NFIB: variants seen among roughly 807,000 people sequenced by gnomAD.
The protein encoded by NFIB is nuclear factor 1 B-type.
In NFIB, 11 loss-of-function variants were observed where a neutral mutation model predicts 61.5. The ratio of observed to expected loss-of-function variants is 0.18; its 90% CI spans 0.11 to 0.30. The LOEUF (loss-of-function observed/expected upper bound fraction) is 0.30. Ranked by LOEUF, NFIB falls within the 10% of genes least tolerant of loss-of-function variation. The probability of loss-of-function intolerance (pLI) is 1.00; values close to 1 mark genes in which losing one functional copy is unlikely to be tolerated. For missense variants in NFIB, 471 were observed against 608.9 expected (o/e 0.77, Z 2.38); for synonymous variants, 260 against 216.5 (o/e 1.20, Z -1.76).
chr9:14,259,772 G>T (rs1203502280), intron 2 of NFIB, among the ~76,000 whole-genome samples: 2 of 152,146 alleles, frequency 1.3e-5, no homozygotes, highest in African/African-American at 4.8e-5. Flanking sequence ...GGGCGTGGTG[G>T]CGGGCACTTG....
At chr9:14,506,028 C>G in the NFIB span, among the ~76,000 whole-genome samples, 1 of 151,810 alleles carries the variant, frequency 6.6e-6, no homozygotes, top group Non-Finnish European at 1.5e-5. Context: ...ACATATGCAG[C>G]CAAATAGAAA....
At chr9:14,501,725 C>T in the NFIB span, among the ~76,000 whole-genome samples, 1 of 152,194 alleles carries the variant, frequency 6.6e-6, no homozygotes, top group South Asian at 2.1e-4. Context: ...CCCATTTCCC[C>T]CTGCAGGGGT....
the NFIB span, among the ~76,000 whole-genome samples, chr9:14,495,305 G>T: frequency 6.6e-6 from 1 of 152,160 alleles, no homozygotes; most frequent in Non-Finnish European, 1.5e-5. Flanking sequence ...AGAGCAGGCT[G>T]AGGTCGAGGT....
In NFIB at chr9:14,084,280, A is replaced by G. The variant is rs1420967680; in HGVS notation, c.*4029T>C. On this transcript the variant is annotated 3_prime_UTR_variant, in exon 11 of 11. Transcript: ENST00000380953. ...AATTGTTAAAAAGTTAGCTTTACAA[A>G]CATGGGAATTTTAATTTAAAAAAAA... is the stretch of plus-strand genomic sequence containing the variant. 4.9e-6 allele frequency: 1 copy of G among 202,572 alleles called. No homozygotes were observed. Among genetic ancestry groups the G allele is most frequent in the Non-Finnish European group, 1.0e-5 (1 of 98,446 alleles). The allele number at this position is 202,572 out of a possible 1,614,324, so 12.5% of individuals were successfully genotyped here. A position where few individuals can be genotyped will look rare whatever the true frequency, so the allele number is the denominator to read the frequency against.
intron 2 of NFIB, among the ~76,000 whole-genome samples, chr9:14,267,723 T>C (rs868868295): frequency 6.6e-6 from 1 of 152,236 alleles, no homozygotes; most frequent in Non-Finnish European, 1.5e-5. Flanking sequence ...GCAGAGACCA[T>C]GTCTGTCTTG....
At chr9:14,101,316 GT>G (rs2035750312) in intron 10 of NFIB, among the ~76,000 whole-genome samples, 1 of 152,190 alleles carries the variant, frequency 6.6e-6, no homozygotes, top group Non-Finnish European at 1.5e-5. Context: ...TCACATGGTA[GT>G]GAATTAATAA....
At position 14,313,747 on chromosome 9, in the gene NFIB, C is replaced by A; in HGVS notation, c.-236G>T. Reference sequence around the variant, plus strand: ...GTGAAATCCAATCTACACTTTTAACCCTCTTGCAGTCCGAGCGCGCTGGCC... The same window carrying A: ...GTGAAATCCAATCTACACTTTTAACACTCTTGCAGTCCGAGCGCGCTGGCC... On this transcript the variant is annotated 5_prime_UTR_variant, in exon 1 of 11. Transcript: ENST00000380953. This position sits in a 1 kb window ranked among gnomAD's most constrained non-coding sequence, Gnocchi z 4.5. The A allele has an allele frequency of 7.3e-7, 1 of 1,370,444 alleles. No homozygotes were observed. Among genetic ancestry groups the A allele is most frequent in the Non-Finnish European group, 9.4e-7 (1 of 1,063,092 alleles). The allele number at this position is 1,370,444 out of a possible 1,614,324, so 84.9% of individuals were successfully genotyped here.
intron 1 of NFIB, among the ~76,000 whole-genome samples, chr9:14,351,201 T>G (rs1041559173): frequency 6.6e-6 from 1 of 152,208 alleles, no homozygotes; most frequent in Non-Finnish European, 1.5e-5. Flanking sequence ...TTTTTTTGGT[T>G]GTTGTTAAGA....
At chr9:14,327,724 G>A (rs2060772814) in intron 1 of NFIB, among the ~76,000 whole-genome samples, 1 of 152,270 alleles carries the variant, frequency 6.6e-6, no homozygotes, top group Non-Finnish European at 1.5e-5. Context: ...TGGGCTTGTA[G>A]AATGAAAATA....
chr9:14,496,570 T>G, the NFIB span, among the ~76,000 whole-genome samples: 2 of 152,222 alleles, frequency 1.3e-5, no homozygotes, highest in Non-Finnish European at 2.9e-5. Context: ...CTCCTGTCTC[T>G]TTTCTTTGCT....
chr9:14,282,286 C>T (rs943882753), intron 2 of NFIB, among the ~76,000 whole-genome samples: 2 of 152,136 alleles, frequency 1.3e-5, no homozygotes, highest in Admixed American at 6.5e-5. Flanking sequence ...CAGTCTTCTC[C>T]TCCCCTACTA....
At chr9:14,407,507 C>A in the NFIB span, among the ~76,000 whole-genome samples, 1 of 152,022 alleles carries the variant, frequency 6.6e-6, no homozygotes, top group Non-Finnish European at 1.5e-5. Context: ...CAAAACGGAG[C>A]TTAACTCAGA....
At chr9:14,385,004 A>G (rs1265229951) in intron 1 of NFIB, among the ~76,000 whole-genome samples, 1 of 152,234 alleles carries the variant, frequency 6.6e-6, no homozygotes, top group Admixed American at 6.5e-5. Context: ...CTCTGTAAGT[A>G]CATAGGCTTG....
chr9:14,104,335 G>A (rs546545041), intron 10 of NFIB, among the ~76,000 whole-genome samples: 2 of 152,102 alleles, frequency 1.3e-5, no homozygotes, highest in East Asian at 1.9e-4. Flanking sequence ...TCAGTCTAGC[G>A]GGAAGCAATA....
At chr9:14,184,836 C>T (rs1163866721) in intron 2 of NFIB, among the ~76,000 whole-genome samples, 2 of 152,174 alleles carry the variant, frequency 1.3e-5, no homozygotes, top group East Asian at 3.9e-4. Flanking sequence ...GCCTGGCCAA[C>T]GTGGTGAAAC....
intron 2 of NFIB, among the ~76,000 whole-genome samples, chr9:14,230,364 A>C (rs1013814271): frequency 6.6e-6 from 1 of 152,212 alleles, no homozygotes; most frequent in African/African-American, 2.4e-5. Context: ...GGTATTAACA[A>C]ATATTTGTTT....
At chr9:14,468,714 T>C in the NFIB span, among the ~76,000 whole-genome samples, 7 of 152,232 alleles carry the variant, frequency 4.6e-5, no homozygotes, top group African/African-American at 1.4e-4. Flanking sequence ...AAGAAGGAGC[T>C]ATCTGTCACT....
At chr9:14,415,337 T>C in the NFIB span, among the ~76,000 whole-genome samples, 1 of 152,162 alleles carries the variant, frequency 6.6e-6, no homozygotes, top group Admixed American at 6.5e-5. Flanking sequence ...CAAGACAAAG[T>C]CTTGTATACG....
chr9:14,148,227 AT>A (rs2042487539), intron 5 of NFIB, among the ~76,000 whole-genome samples: 1 of 151,962 alleles, frequency 6.6e-6, no homozygotes, highest in Non-Finnish European at 1.5e-5. Flanking sequence ...GGCTCAAGTG[AT>A]CCTCCTACCA....
Sources: gnomAD v4.1 joint callset for allele counts (sites outside exome capture counted in the v4.1 genomes callset) on GRCh38, gnomAD v4.1.1 for gene constraint, Gnocchi (gnomAD v3.1) non-coding constraint, MANE v1.5 for transcripts, NCBI Gene and HGNC (gene_info 2026-07-23, HGNC 2026-07-21) for gene names.